The following FMNL2 variants were observed in gnomAD, a reference collection of about 807,000 sequenced individuals.
FMNL2 encodes the protein formin-like protein 2.
In FMNL2, 51 loss-of-function variants were observed where a neutral mutation model predicts 130.2. The ratio of observed to expected loss-of-function variants is 0.39; its 90% CI spans 0.31 to 0.49. The LOEUF is 0.49. FMNL2 is among the 20% of genes least tolerant of loss of function. The pLI is 0.85. For synonymous variants in FMNL2, 465 were observed against 467.1 expected (o/e 1.00, Z 0.06); for missense variants, 977 against 1,316.2 (o/e 0.74, Z 3.99).
chr2:152,584,933 C>T (rs1004376506), intron 9 of FMNL2, among the ~76,000 whole-genome samples: 1 of 151,996 alleles, frequency 6.6e-6, no homozygotes, highest in African/African-American at 2.4e-5. Context: ...GAATGTTAAC[C>T]CAAAGCTTTG....
intron 10 of FMNL2, among the ~76,000 whole-genome samples, chr2:152,608,880 T>TA (rs75549791): frequency 0.058 from 8,899 of 152,158 alleles, 385 homozygotes; most frequent in Middle Eastern, 0.16. Flanking sequence ...ACATGATGCA[T>TA]AAAAAATACA....
chr2:152,589,981 A>ATGTATATGTATATG (rs1174507707), intron 9 of FMNL2, among the ~76,000 whole-genome samples: 73 of 42,456 alleles, frequency 1.7e-3, no homozygotes, highest in South Asian at 3.0e-3. Flanking sequence ...ATATATATAT[A>ATGTATATGTATATG]TATGTATATG....
chr2:152,568,780 A>G (rs778834647), intron 6 of FMNL2, among the ~76,000 whole-genome samples: 25 of 152,138 alleles, frequency 1.6e-4, no homozygotes, highest in Non-Finnish European at 2.5e-4. Context: ...GCATGGAGGT[A>G]ACCACCCCCA....
intron 1 of FMNL2, among the ~76,000 whole-genome samples, chr2:152,450,663 G>A (rs935266963): frequency 1.3e-5 from 2 of 152,136 alleles, no homozygotes; most frequent in Non-Finnish European, 2.9e-5. Context: ...GCCATCCTCA[G>A]CTCCTCCCTA....
chr2:152,579,820 A>T (rs938926520), intron 8 of FMNL2, among the ~76,000 whole-genome samples: 3 of 152,276 alleles, frequency 2.0e-5, no homozygotes, highest in African/African-American at 7.2e-5. Context: ...CGTAAAAGCC[A>T]GTCTTCATCA....
Position 152,503,598 on chromosome 2 carries a change from T to C in FMNL2, c.118-18345T>C, listed in dbSNP as rs182955407. Among the ~76,000 whole-genome samples, 24 of 152,098 alleles carry C rather than the reference T, an allele frequency of 1.6e-4. No individual in the cohort carries two copies. The Middle Eastern group carries it at 0.01, about 65-fold the overall frequency. Reference sequence around the variant, plus strand: ...GCAAAAAATCTATATCACTGGTCAGTGAGTTTGTCTAGGTTTGGGGGTGTG... The same window carrying C: ...GCAAAAAATCTATATCACTGGTCAGCGAGTTTGTCTAGGTTTGGGGGTGTG... On this transcript the variant is annotated intron_variant, in intron 1 of 25. Coordinates refer to ENST00000288670, the MANE Select transcript of FMNL2 (RefSeq NM_052905.4).
intron 1 of FMNL2, among the ~76,000 whole-genome samples, chr2:152,471,245 C>A (rs1689844356): frequency 6.6e-6 from 1 of 151,796 alleles, no homozygotes; most frequent in Non-Finnish European, 1.5e-5. Flanking sequence ...ACCGTTTGAA[C>A]AGCCAAGGAA....
At chr2:152,590,026 T>C (rs867831792) in intron 9 of FMNL2, among the ~76,000 whole-genome samples, 1,917 of 138,036 alleles carry the variant, frequency 0.014, 80 homozygotes, top group African/African-American at 0.047. Context: ...CATATATATA[T>C]ACATATACAT....
chr2:152,335,568 G>C lies in FMNL2; in HGVS notation c.-36G>C, dbSNP rs764592669. 1.9e-5 allele frequency: 30 copies of C among 1,542,352 alleles called. No individual in the cohort carries two copies. The highest frequency in any genetic ancestry group is 1.6e-4 in the South Asian group (14 of 87,252). ...CTGATTTCCGACGCGCACGCTAGGG[G>C]CCCGGAGCAGCCCCCGGCCCCGGCG... On this transcript the variant is annotated 5_prime_UTR_variant, in exon 1 of 26. Coordinates refer to ENST00000288670, the MANE Select transcript of FMNL2 (RefSeq NM_052905.4).
At position 152,383,234 on chromosome 2, in the gene FMNL2, C is replaced by G. The variant is rs141913959; in HGVS notation, c.117+47514C>G. On this transcript the variant is annotated intron_variant, in intron 1 of 25. Coordinates refer to ENST00000288670, the MANE Select transcript of FMNL2 (RefSeq NM_052905.4). ...GATAAAGCAAGAGGGCTCTGGGAAT[C>G]TAGTGGAAACTTTTTAGGTGTGGAC... 3.5e-3 allele frequency among the ~76,000 whole-genome samples: 484 copies of G among 136,980 alleles called. 1 individual carries two copies. Among genetic ancestry groups the G allele is most frequent in the Admixed American group, 6.6e-3 (89 of 13,484 alleles). 89.9% of individuals were successfully genotyped at this position (136,980 alleles called of 152,430 possible).
chr2:152,443,926 AG>A (rs1688203424), intron 1 of FMNL2, among the ~76,000 whole-genome samples: 1 of 152,156 alleles, frequency 6.6e-6, no homozygotes, highest in South Asian at 2.1e-4. Flanking sequence ...AGTACTAAAG[AG>A]GGTTCAGTTG....
intron 1 of FMNL2, among the ~76,000 whole-genome samples, chr2:152,362,272 T>C (rs1683222383): frequency 6.6e-6 from 1 of 152,228 alleles, no homozygotes; most frequent in Non-Finnish European, 1.5e-5. Flanking sequence ...ACATACATTC[T>C]AAATCATTTC....
chr2:152,390,299 G>A, intron 1 of FMNL2: 1 of 1,302,086 alleles, frequency 7.7e-7, no homozygotes, highest in Non-Finnish European at 1.1e-6. Flanking sequence ...TCATCGATGG[G>A]GAGCTCTACA....
At position 152,549,017 on chromosome 2, in the gene FMNL2, A is replaced by T. The variant is rs373140774; in HGVS notation, c.283-4A>T. The T allele has an allele frequency of 1.4e-5, 22 of 1,599,610 alleles. No homozygotes were observed. The African/African-American group carries it at 1.6e-4, about 12-fold the overall frequency. On this transcript the variant is annotated splice_polypyrimidine_tract_variant and splice_region_variant and intron_variant, in intron 3 of 25. Coordinates refer to ENST00000288670, the MANE Select transcript of FMNL2 (RefSeq NM_052905.4). ...TTGTGAGAATATGTGTTCTTGAATT[A>T]TAGAAATTCAGACGGCGTGTTCAAG...
intron 1 of FMNL2, among the ~76,000 whole-genome samples, chr2:152,395,416 G>A (rs1183985755): frequency 6.6e-6 from 1 of 152,224 alleles, no homozygotes; most frequent in African/African-American, 2.4e-5. Context: ...ATTGGGTTTA[G>A]ATGAGATTCA....
chr2:152,569,524 GAT>G (rs1696046496), intron 6 of FMNL2, among the ~76,000 whole-genome samples: 1 of 150,102 alleles, frequency 6.7e-6, no homozygotes, highest in East Asian at 2.0e-4. Context: ...TTTCTTAAAA[GAT>G]ATTTGCTTAG....
chr2:152,468,135 A>C (rs796097555), intron 1 of FMNL2, among the ~76,000 whole-genome samples: 9 of 152,376 alleles, frequency 5.9e-5, no homozygotes, highest in African/African-American at 2.2e-4. Context: ...TCAGTGTAGC[A>C]CTGATACCTT....
At chr2:152,631,868 G>A (rs1682193498) in intron 20 of FMNL2, 140 bp from the exon 21 acceptor site, 1 of 902,258 alleles carries the variant, frequency 1.1e-6, no homozygotes, top group Non-Finnish European at 1.6e-6. Context: ...ATGGAATCCT[G>A]ACCCTCCTCT....
rs577481572 is a variant in FMNL2, at chr2:152,360,591, A to G, written c.117+24871A>G. On this transcript the variant is annotated intron_variant, in intron 1 of 25. Coordinates refer to ENST00000288670, the MANE Select transcript of FMNL2 (RefSeq NM_052905.4). ...CATGGCCTACTCTGAAGGAATTAAG[A>G]TTATTCTTTGAATAATTGACAGCGA... 3.3e-5 allele frequency among the ~76,000 whole-genome samples: 5 copies of G among 152,338 alleles called. No homozygotes were observed. In the East Asian group the frequency reaches 9.6e-4, roughly 29 times the overall value.
Sources: allele counts gnomAD v4.1 joint callset (sites outside exome capture counted in the v4.1 genomes callset), GRCh38; gene constraint gnomAD v4.1.1; transcripts MANE v1.5; gene names NCBI Gene and HGNC (gene_info 2026-07-23, HGNC 2026-07-21).